EPS15L1: variants seen among roughly 807,000 people sequenced by gnomAD.
EPS15L1 encodes epidermal growth factor receptor pathway substrate 15 like 1.
Under a neutral mutation model 117.1 loss-of-function variants are expected in EPS15L1, and 43 were observed. The ratio of observed to expected loss-of-function variants is 0.37; its 90% CI spans 0.29 to 0.47. The LOEUF is 0.47. Among genes scored for constraint, EPS15L1 ranks in the 20% least tolerant of loss-of-function variants. The probability of loss-of-function intolerance (pLI) is 0.99; values close to 1 mark genes in which losing one functional copy is unlikely to be tolerated. For synonymous variants in EPS15L1, 459 were observed against 470.5 expected (o/e 0.98, Z 0.32); for missense variants, 981 against 1,164.0 (o/e 0.84, Z 2.29).
rs531178748 is a variant in EPS15L1, at chr19:16,423,801, AG to A, written c.792+1281del. Among the ~76,000 whole-genome samples the A allele has an allele frequency of 6.4e-4, 98 of 152,326 alleles. 1 individual carries two copies. Among genetic ancestry groups the A allele is most frequent in the African/African-American group, 2.3e-3 (95 of 41,582 alleles). Reference sequence around the variant, plus strand: ...ACCTCAGAAGCCAGGGATCACAAAGAGGTAACAGGAGTCAGACAAGCTGAGC... The same window carrying A: ...ACCTCAGAAGCCAGGGATCACAAAGAGTAACAGGAGTCAGACAAGCTGAGC... On this transcript the variant is annotated intron_variant, in intron 9 of 23. Transcript: ENST00000455140.
chr19:16,443,767 C>T (rs529006248), intron 1 of EPS15L1, among the ~76,000 whole-genome samples: 1 of 151,638 alleles, frequency 6.6e-6, no homozygotes, highest in South Asian at 2.1e-4. Flanking sequence ...CTCTGGGGGA[C>T]GCCAACACCT....
intron 12 of EPS15L1, among the ~76,000 whole-genome samples, chr19:16,415,547 T>C (rs1599609395): frequency 6.6e-6 from 1 of 152,168 alleles, no homozygotes. Context: ...CAATACAAAG[T>C]GCTCTTTAAA....
chr19:16,432,824 C>CA (rs1443442153), intron 7 of EPS15L1, among the ~76,000 whole-genome samples: 2 of 152,010 alleles, frequency 1.3e-5, no homozygotes, highest in African/African-American at 4.8e-5. Flanking sequence ...TTTTTTTAAA[C>CA]AGAGTCTCAA....
intron 9 of EPS15L1, among the ~76,000 whole-genome samples, chr19:16,422,183 C>A (rs1249299826): frequency 6.6e-6 from 1 of 152,208 alleles, no homozygotes; most frequent in African/African-American, 2.4e-5. Flanking sequence ...GCTGCACGTG[C>A]GACCCCTCTC....
At chr19:16,428,498 AGG>A (rs1303673199) in intron 8 of EPS15L1, among the ~76,000 whole-genome samples, 20 of 104,278 alleles carry the variant, frequency 1.9e-4, no homozygotes, top group African/African-American at 5.5e-4. Context: ...GGAGGGAGGG[AGG>A]GAGAGAGAGA....
chr19:16,444,095 A>G (rs2093059684), intron 1 of EPS15L1, among the ~76,000 whole-genome samples: 1 of 149,974 alleles, frequency 6.7e-6, no homozygotes, highest in African/African-American at 2.4e-5. Context: ...AAGTGAAAGT[A>G]CAGAGAAAAC....
chr19:16,420,733 GC>G (rs1334925757), intron 10 of EPS15L1, among the ~76,000 whole-genome samples: 2 of 152,226 alleles, frequency 1.3e-5, no homozygotes, highest in Non-Finnish European at 1.5e-5. Context: ...AGTGACTTCA[GC>G]CCTGGCCAGT....
intron 23 of EPS15L1, among the ~76,000 whole-genome samples, chr19:16,356,121 C>T (rs1394983374): frequency 3.3e-5 from 5 of 152,204 alleles, no homozygotes; most frequent in African/African-American, 4.8e-5. Flanking sequence ...CCAGCCACCC[C>T]GCCCCACGCA....
At chr19:16,465,485 C>T (rs530203467) in intron 1 of EPS15L1, among the ~76,000 whole-genome samples, 1 of 152,108 alleles carries the variant, frequency 6.6e-6, no homozygotes, top group Admixed American at 6.5e-5. Context: ...GAGTTCGAAA[C>T]CAGCCTGGGC....
intron 19 of EPS15L1, among the ~76,000 whole-genome samples, chr19:16,391,571 T>G (rs984915032): frequency 6.6e-6 from 1 of 150,744 alleles, no homozygotes; most frequent in Admixed American, 6.6e-5. Context: ...AAGAAGGCTA[T>G]GAAGCACGCT....
intron 22 of EPS15L1, among the ~76,000 whole-genome samples, chr19:16,364,663 G>C (rs1005778536): frequency 1.3e-5 from 2 of 152,178 alleles, no homozygotes; most frequent in East Asian, 3.9e-4. Context: ...GAGTTGCCCC[G>C]TTCCCTCTCC....
At chr19:16,403,568 T>A (rs2092623744) in intron 15 of EPS15L1, among the ~76,000 whole-genome samples, 165 bp downstream of exon 15, 1 of 152,164 alleles carries the variant, frequency 6.6e-6, no homozygotes, top group Admixed American at 6.5e-5. Flanking sequence ...GAACATGCCC[T>A]GGGGAGTCCT....
intron 13 of EPS15L1, among the ~76,000 whole-genome samples, chr19:16,408,056 A>T (rs2092673151): frequency 2.0e-5 from 3 of 152,174 alleles, no homozygotes; most frequent in African/African-American, 7.2e-5. Flanking sequence ...GTGATGGATA[A>T]GGGAAGGGAA....
chr19:16,355,270 T>C lies in EPS15L1; in HGVS notation c.*435A>G, dbSNP rs1304862965. The C allele has an allele frequency of 6.6e-6, 1 of 151,248 alleles. No individual in the cohort carries two copies. Among genetic ancestry groups the C allele is most frequent in the East Asian group, 2.0e-4 (1 of 5,052 alleles). The allele number at this position is 151,248 out of a possible 1,614,324, so 9.4% of individuals were successfully genotyped here. On this transcript the variant is annotated 3_prime_UTR_variant, in exon 24 of 24. Transcript: ENST00000455140. Reference sequence around the variant, plus strand: ...TGTTTTGTATTAAAATATTTTATATTAATCATTCAAACTTCATTTTATACA... The same window carrying C: ...TGTTTTGTATTAAAATATTTTATATCAATCATTCAAACTTCATTTTATACA...
In EPS15L1 at chr19:16,365,783, GTCAGC is replaced by G. The variant is rs957934368; in HGVS notation, c.2381-3804_2381-3800del. Among the ~76,000 whole-genome samples the G allele has an allele frequency of 3.3e-5, 5 of 152,198 alleles. No individual in the cohort carries two copies. Among genetic ancestry groups the G allele is most frequent in the East Asian group, 3.8e-4 (2 of 5,198 alleles). Reference sequence around the variant, plus strand: ...GCACTGGCCTCTGGCACGGCTGAGGGTCAGCTCTGTGAAAAGCGGGCCCAGCATAC... The same window carrying G: ...GCACTGGCCTCTGGCACGGCTGAGGGTCTGTGAAAAGCGGGCCCAGCATAC... On this transcript the variant is annotated intron_variant, in intron 22 of 23. Coordinates refer to ENST00000455140, the MANE Select transcript of EPS15L1 (RefSeq NM_001258374.3). The surrounding 1 kb of genome is among the most constrained non-coding windows in gnomAD (Gnocchi z 4.9).
intron 8 of EPS15L1, among the ~76,000 whole-genome samples, chr19:16,426,223 T>C (rs1341898014): frequency 1.3e-5 from 2 of 152,128 alleles, no homozygotes; most frequent in Admixed American, 1.3e-4. Context: ...GTGGGGCGGG[T>C]GTGACCTCCG....
At chr19:16,390,196 GT>G (rs2092462429) in intron 19 of EPS15L1, among the ~76,000 whole-genome samples, 1 of 152,140 alleles carries the variant, frequency 6.6e-6, no homozygotes, top group African/African-American at 2.4e-5. Flanking sequence ...GATGTATCAT[GT>G]AGTGAATAAC....
At chr19:16,456,034 C>T (rs1896334806) in intron 1 of EPS15L1, among the ~76,000 whole-genome samples, 1 of 151,914 alleles carries the variant, frequency 6.6e-6, no homozygotes, top group Non-Finnish European at 1.5e-5. Context: ...AATCTTGTCT[C>T]TACTAAAAAT....
intron 23 of EPS15L1, chr19:16,356,193 G>C (rs1232276578): frequency 2.7e-6 from 1 of 363,696 alleles, no homozygotes; most frequent in East Asian, 4.8e-5. Flanking sequence ...GGAACTTCCA[G>C]CGTGCATGGC....
Sources: gnomAD v4.1 joint callset for allele counts (sites outside exome capture counted in the v4.1 genomes callset) on GRCh38, gnomAD v4.1.1 for gene constraint, Gnocchi (gnomAD v3.1) non-coding constraint, MANE v1.5 for transcripts, NCBI Gene and HGNC (gene_info 2026-07-23, HGNC 2026-07-21) for gene names.